The following ANO6 variants were observed in gnomAD, a reference collection of about 807,000 sequenced individuals.
The protein encoded by ANO6 is anoctamin 6, also known as anoctamin-6.
Under a neutral mutation model 117.5 loss-of-function variants are expected in ANO6, and 106 were observed. The ratio of observed to expected loss-of-function variants is 0.90; its 90% confidence interval spans 0.77 to 1.06. ANO6 has a LOEUF of 1.06. ANO6 is among the 50% of genes least tolerant of loss of function. The pLI is 0.00. For missense variants in ANO6, 955 were observed against 1,121.1 expected (o/e 0.85, Z 2.12); for synonymous variants, 367 against 385.1 (o/e 0.95, Z 0.55).
intron 1 of ANO6, among the ~76,000 whole-genome samples, chr12:45,297,173 G>GCT (rs1383716799): frequency 6.6e-6 from 1 of 151,988 alleles, no homozygotes; most frequent in Non-Finnish European, 1.5e-5. Context: ...ACTTTTACTT[G>GCT]CTCTCTCTCT....
intron 3 of ANO6, among the ~76,000 whole-genome samples, chr12:45,332,998 A>C (rs964983227): frequency 4.0e-5 from 6 of 151,886 alleles, no homozygotes; most frequent in African/African-American, 9.7e-5. Flanking sequence ...CTCTAAAATC[A>C]GTTGGATCTT....
chr12:45,412,434 T>G (rs1943109520), intron 16 of ANO6, among the ~76,000 whole-genome samples: 2 of 152,332 alleles, frequency 1.3e-5, no homozygotes, highest in African/African-American at 4.8e-5. Flanking sequence ...AACAATGACC[T>G]TCATATATGA....
Position 45,388,248 on chromosome 12 carries a change from C to T in ANO6, c.1253C>T (p.Ala418Val), listed in dbSNP as rs148214957. ...GTTGAGTTACAGCAGGAAGAACAAG[C>T]CCGACCAGAATACGAAGCACGATGT... ...DTVELQQEEQ[A>V]RPEYEARCTH... Residue 418 changes from alanine (A) to valine (V), a missense_variant, in exon 11 of 20, where the codon GCC (alanine) becomes GTC (valine). Ala to Val is a moderately conservative substitution (Grantham distance 64). Coordinates refer to ENST00000320560, the MANE Select transcript of ANO6 (RefSeq NM_001025356.3). 9.3e-6 allele frequency: 15 copies of T among 1,613,928 alleles called. No homozygotes were observed. Among genetic ancestry groups the T allele is most frequent in the Admixed American group, 3.3e-5 (2 of 59,986 alleles).
At chr12:45,263,238 G>GTC (rs1320000711) in intron 1 of ANO6, among the ~76,000 whole-genome samples, 1 of 151,042 alleles carries the variant, frequency 6.6e-6, no homozygotes, top group African/African-American at 2.4e-5. Flanking sequence ...GAGAGACAGA[G>GTC]TCTTTCTCTG....
intron 15 of ANO6, among the ~76,000 whole-genome samples, chr12:45,404,853 TAC>T (rs1942892005): frequency 6.6e-6 from 1 of 152,248 alleles, no homozygotes; most frequent in Non-Finnish European, 1.5e-5. Context: ...CTCCATCACA[TAC>T]AACTTCTCTC....
At chr12:45,357,498 T>G in intron 8 of ANO6, 74 bp downstream of exon 8, 1 of 1,566,152 alleles carries the variant, frequency 6.4e-7, no homozygotes, top group Non-Finnish European at 8.8e-7. Flanking sequence ...GGTCTTAAAC[T>G]GTTTTGGTAA....
intron 1 of ANO6, among the ~76,000 whole-genome samples, chr12:45,257,807 T>C (rs1937889180): frequency 1.3e-5 from 2 of 152,192 alleles, no homozygotes; most frequent in South Asian, 4.1e-4. Context: ...GCCACCCTCC[T>C]AAACTTACAA....
chr12:45,363,691 A>G (rs563665032), intron 8 of ANO6, among the ~76,000 whole-genome samples: 1 of 152,258 alleles, frequency 6.6e-6, no homozygotes, highest in African/African-American at 2.4e-5. Flanking sequence ...ATGTTGTAGG[A>G]GGGACCTGGT....
intron 2 of ANO6, among the ~76,000 whole-genome samples, chr12:45,330,380 C>G (rs1940623073): frequency 6.6e-6 from 1 of 152,096 alleles, no homozygotes; most frequent in South Asian, 2.1e-4. Flanking sequence ...ACAAGTTATA[C>G]AAATGATTGC....
chr12:45,287,151 A>G (rs1592919083), intron 1 of ANO6, among the ~76,000 whole-genome samples: 1 of 152,236 alleles, frequency 6.6e-6, no homozygotes. Flanking sequence ...AGCTAACAGA[A>G]TGATGGCTCT....
intron 1 of ANO6, among the ~76,000 whole-genome samples, chr12:45,275,328 G>A (rs1257323186): frequency 2.0e-5 from 3 of 152,100 alleles, no homozygotes; most frequent in Admixed American, 2.0e-4. Flanking sequence ...CCCTGCCTCA[G>A]CCTCCCAAGT....
chr12:45,272,292 G>A (rs1474538574), intron 1 of ANO6, among the ~76,000 whole-genome samples: 1 of 151,734 alleles, frequency 6.6e-6, no homozygotes. Flanking sequence ...AGGCTCAGCA[G>A]TGCATTCTGG....
intron 16 of ANO6, among the ~76,000 whole-genome samples, chr12:45,413,829 G>T (rs1272102535): frequency 6.6e-6 from 1 of 152,334 alleles, no homozygotes; most frequent in East Asian, 1.9e-4. Context: ...GGGTTGGGAA[G>T]TGGAAGCAGT....
chr12:45,403,452 G>A lies in ANO6; in HGVS notation c.1796G>A (p.Gly599Asp). 6.2e-7 allele frequency: 1 copy of A among 1,613,496 alleles called. No homozygotes were observed. Among genetic ancestry groups the A allele is most frequent in the Non-Finnish European group, 8.5e-7 (1 of 1,179,482 alleles). Residue 599 changes from glycine to aspartate, a missense_variant, in exon 15 of 20, where the codon GGC becomes GAC. Transcript: ENST00000320560. ...TTAACCTTCTAGTGTGACCCAGGTG[G>A]CTGTCTTCTTGAACTGACAACTCAG... The part of the protein sequence containing the change: ...KYRNEECDPG[G>D]CLLELTTQLT...
rs944467698 is a variant in ANO6 at position 45,392,051 on chromosome 12, G to A, written c.1386+1553G>A. Reference sequence around the variant, plus strand: ...GCGAGCTGAAGCAGGGCAGGGCATCGCCTCACCCAGGAAGCACAAGGGGTC... The same window carrying A: ...GCGAGCTGAAGCAGGGCAGGGCATCACCTCACCCAGGAAGCACAAGGGGTC... On this transcript the variant is annotated intron_variant, in intron 12 of 19. Coordinates refer to ENST00000320560, the MANE Select transcript of ANO6 (RefSeq NM_001025356.3). 6.6e-5 allele frequency among the ~76,000 whole-genome samples: 10 copies of A among 152,326 alleles called. No individual in the cohort carries two copies. The South Asian group carries it at 1.4e-3, about 22-fold the overall frequency.
intron 12 of ANO6, among the ~76,000 whole-genome samples, chr12:45,399,884 TAA>T (rs2137621536): frequency 6.6e-6 from 1 of 152,298 alleles, no homozygotes; most frequent in South Asian, 2.1e-4. Context: ...GAATCAGAAA[TAA>T]GTTATAAACT....
intron 1 of ANO6, among the ~76,000 whole-genome samples, chr12:45,259,427 C>T (rs1343880638): frequency 6.6e-6 from 1 of 152,104 alleles, no homozygotes; most frequent in African/African-American, 2.4e-5. Context: ...AGGTTAAGAA[C>T]CACGATTTTA....
At chr12:45,262,433 T>C (rs1465569764) in intron 1 of ANO6, among the ~76,000 whole-genome samples, 1 of 152,088 alleles carries the variant, frequency 6.6e-6, no homozygotes, top group Non-Finnish European at 1.5e-5. Context: ...TTTTTTTTTT[T>C]CTTTTTTGAG....
intron 10 of ANO6, among the ~76,000 whole-genome samples, chr12:45,385,204 A>G (rs1942264935): frequency 6.6e-6 from 1 of 152,206 alleles, no homozygotes. Flanking sequence ...TAGACCTAGA[A>G]GCAGATATAG....
Sources: gnomAD v4.1 joint callset for allele counts (sites outside exome capture counted in the v4.1 genomes callset) on GRCh38, gnomAD v4.1.1 for gene constraint, MANE v1.5 for transcripts, NCBI Gene and HGNC (gene_info 2026-07-23, HGNC 2026-07-21) for gene names.